EML1: variants seen among roughly 807,000 people sequenced by gnomAD.
EML1 encodes the protein EMAP like 1.
A neutral mutation model predicts 110.4 loss-of-function variants in EML1; 27 were observed. The ratio of observed to expected loss-of-function variants is 0.24; its 90% CI spans 0.18 to 0.34. The LOEUF is 0.34. Ranked by LOEUF, EML1 falls within the 10% of genes least tolerant of loss-of-function variation. EML1 has a pLI of 1.00. For missense variants in EML1, 741 were observed against 1,030.9 expected (o/e 0.72, Z 3.85); for synonymous variants, 344 against 385.8 (o/e 0.89, Z 1.27).
At chr14:99,764,154 C>T (rs1231300323) in intron 1 of EML1, among the ~76,000 whole-genome samples, 1 of 152,170 alleles carries the variant, frequency 6.6e-6, no homozygotes, top group Non-Finnish European at 1.5e-5. Context: ...TTTCACTGCC[C>T]TCTCTGTGTG....
chr14:99,808,072 C>T (rs964767903), intron 1 of EML1, among the ~76,000 whole-genome samples: 2 of 152,152 alleles, frequency 1.3e-5, no homozygotes, highest in African/African-American at 2.4e-5. Flanking sequence ...TCATCTGTCC[C>T]GGATTACTTG....
intron 2 of EML1, among the ~76,000 whole-genome samples, chr14:99,856,333 T>G (rs1429354503): frequency 6.6e-6 from 1 of 152,252 alleles, no homozygotes; most frequent in Non-Finnish European, 1.5e-5. Context: ...TTTCAAGGTT[T>G]AATTTGATTT....
intron 1 of EML1, among the ~76,000 whole-genome samples, chr14:99,836,900 G>T (rs2058549738): frequency 6.6e-6 from 1 of 152,060 alleles, no homozygotes; most frequent in African/African-American, 2.4e-5. Flanking sequence ...CTTCCATGAG[G>T]CTGTGGATTA....
At chr14:99,752,641 G>A (rs1395264839) in intron 1 of EML1, among the ~76,000 whole-genome samples, 1 of 152,124 alleles carries the variant, frequency 6.6e-6, no homozygotes, top group Non-Finnish European at 1.5e-5. Context: ...TTGGGGCTTG[G>A]GACTCAGCTG....
chr14:99,839,601 A>G (rs1414360281), intron 1 of EML1, among the ~76,000 whole-genome samples: 1 of 152,228 alleles, frequency 6.6e-6, no homozygotes, highest in Non-Finnish European at 1.5e-5. Context: ...GGCTTGTAAA[A>G]GATCTTTATA....
At chr14:99,887,842 T>G (rs1222070684) in intron 4 of EML1, among the ~76,000 whole-genome samples, 1 of 152,196 alleles carries the variant, frequency 6.6e-6, no homozygotes. Flanking sequence ...CAATGTTCTC[T>G]TCTGGTTATC....
intron 4 of EML1, 68 bp from the exon 5 acceptor site, chr14:99,891,131 G>A (rs1448044123): frequency 6.3e-7 from 1 of 1,597,344 alleles, no homozygotes. Flanking sequence ...GTGGCTTTGG[G>A]GTCTGAAGTG....
At chr14:99,769,356 C>T (rs1007937440), upstream of EML1, among the ~76,000 whole-genome samples, 1 of 152,188 alleles carries the variant, frequency 6.6e-6, no homozygotes, top group African/African-American at 2.4e-5. Context: ...GGGCCCTCAC[C>T]GTGGGCACCA....
At chr14:99,933,309 G>A (rs958660372) in intron 17 of EML1, among the ~76,000 whole-genome samples, 8 of 152,118 alleles carry the variant, frequency 5.3e-5, no homozygotes, top group Non-Finnish European at 7.4e-5. Context: ...CCGAGTAGCT[G>A]GGGCTACAGG....
intron 1 of EML1, among the ~76,000 whole-genome samples, chr14:99,793,804 C>T (rs1241573718): frequency 6.7e-6 from 1 of 149,220 alleles, no homozygotes; most frequent in Non-Finnish European, 1.5e-5. Context: ...ACCCCGCCGG[C>T]TCCAGCACCC....
Position 99,851,005 on chromosome 14 carries a change from G to T in EML1, c.220G>T (p.Ala74Ser), listed in dbSNP as rs777830374. The T allele has an allele frequency of 3.1e-6, 5 of 1,614,062 alleles. No individual in the cohort carries two copies. In the Admixed American group the frequency reaches 8.3e-5, roughly 27 times the overall value. The change falls in exon 2 of 22, where the codon GCC becomes TCC. Residue 74 changes from alanine (A) to serine (S), a missense_variant. Physicochemically the swap from Ala to Ser is moderately conservative, Grantham distance 99 (BLOSUM62 1). Coordinates refer to ENST00000262233, the MANE Select transcript of EML1 (RefSeq NM_004434.3). ...GCTGAACATTACTGAGGAACAGCAGGCCGTGCTTAACAGGAAAGGACCTAC... is the reference window on the plus strand; with the variant it reads ...GCTGAACATTACTGAGGAACAGCAGTCCGTGCTTAACAGGAAAGGACCTAC... ...RRLNITEEQQ[A>S]VLNRKGPTKA... is the part of the protein sequence containing the mutation.
Position 99,878,659 on chromosome 14 carries a change from T to C in EML1, c.518+40T>C, listed in dbSNP as rs201026773. On this transcript the variant is annotated intron_variant, in intron 4 of 21. Coordinates refer to ENST00000262233, the MANE Select transcript of EML1 (RefSeq NM_004434.3). ...TCTCTCAGTTCCTGCTGTTCAGATA[T>C]GTTAGTACGGCTTGTCCCCAGAGAG... The C allele has an allele frequency of 7.5e-6, 12 of 1,589,404 alleles. No homozygotes were observed. The Admixed American group carries it at 2.1e-4, about 28-fold the overall frequency.
At chr14:99,757,203 G>A (rs772203777) in intron 1 of EML1, among the ~76,000 whole-genome samples, 4 of 152,188 alleles carry the variant, frequency 2.6e-5, no homozygotes, top group African/African-American at 9.6e-5. Context: ...GCTGGGTGTG[G>A]TGGTGCATGC....
At chr14:99,873,893 T>A (rs2059246000) in intron 3 of EML1, among the ~76,000 whole-genome samples, 1 of 152,258 alleles carries the variant, frequency 6.6e-6, no homozygotes, top group Admixed American at 6.5e-5. Flanking sequence ...GCACAGTGGA[T>A]GGTTGATGCC....
intron 4 of EML1, among the ~76,000 whole-genome samples, chr14:99,886,863 G>A (rs981741136): frequency 1.1e-4 from 17 of 152,222 alleles, no homozygotes; most frequent in African/African-American, 3.9e-4. Context: ...CCTTATAAAT[G>A]CCAGTCTATG....
At chr14:99,802,150 C>T (rs922460110) in intron 1 of EML1, among the ~76,000 whole-genome samples, 10 of 151,490 alleles carry the variant, frequency 6.6e-5, no homozygotes, top group Admixed American at 2.6e-4. Flanking sequence ...GAGAGCCATT[C>T]GGGCCAGGGA....
chr14:99,776,067 T>C (rs1224703070), intron 1 of EML1, among the ~76,000 whole-genome samples: 1 of 152,186 alleles, frequency 6.6e-6, no homozygotes, highest in Non-Finnish European at 1.5e-5. Context: ...CAACAAAATG[T>C]CCTACAAGCA....
At chr14:99,744,902 C>T (rs1223728340) in intron 1 of EML1, among the ~76,000 whole-genome samples, 8 of 152,058 alleles carry the variant, frequency 5.3e-5, no homozygotes, top group African/African-American at 1.9e-4. Flanking sequence ...TCCACAGATC[C>T]GAAAACTGAG....
chr14:99,757,359 T>C (rs2057268539), intron 1 of EML1, among the ~76,000 whole-genome samples: 1 of 150,472 alleles, frequency 6.6e-6, no homozygotes, highest in South Asian at 2.1e-4. Context: ...AAAAAAGAAT[T>C]GTTAAAAATT....
Sources: gnomAD v4.1 joint callset for allele counts (sites outside exome capture counted in the v4.1 genomes callset) on GRCh38, gnomAD v4.1.1 for gene constraint, MANE v1.5 for transcripts, NCBI Gene and HGNC (gene_info 2026-07-23, HGNC 2026-07-21) for gene names.